The following PDLIM5 variants were observed in gnomAD, a reference collection of about 807,000 sequenced individuals.
PDLIM5 encodes PDZ and LIM domain 5.
A neutral mutation model predicts 64.2 loss-of-function variants in PDLIM5; 34 were observed. The observed-to-expected ratio is 0.53, with a 90% CI of 0.40 to 0.71. The LOEUF is 0.71. Among genes scored for constraint, PDLIM5 ranks in the 30% least tolerant of loss-of-function variants. The pLI is 0.00. For synonymous variants in PDLIM5, 253 were observed against 269.1 expected, an observed-to-expected ratio of 0.94 and a Z score of 0.59; for missense variants, 683 against 733.6, an observed-to-expected ratio of 0.93 and a Z score of 0.80.
chr4:94,643,986 TA>T (rs1479572059), intron 9 of PDLIM5, among the ~76,000 whole-genome samples: 2 of 152,134 alleles, frequency 1.3e-5, no homozygotes, highest in African/African-American at 4.8e-5. Context: ...TTAGCCCTTG[TA>T]TTTAAGGAAA....
At chr4:94,625,596 G>A (rs527467109) in intron 8 of PDLIM5, among the ~76,000 whole-genome samples, 1 of 152,090 alleles carries the variant, frequency 6.6e-6, no homozygotes, top group Non-Finnish European at 1.5e-5. Flanking sequence ...GGGACTACAG[G>A]CGCCCGCCAC....
At chr4:94,497,714 A>C (rs1299911128) in intron 2 of PDLIM5, among the ~76,000 whole-genome samples, 5 of 152,210 alleles carry the variant, frequency 3.3e-5, no homozygotes. Context: ...TAAAAAACTG[A>C]AATGTTTTGT....
chr4:94,527,877 A>T (rs1410643031), intron 3 of PDLIM5, among the ~76,000 whole-genome samples: 1 of 152,208 alleles, frequency 6.6e-6, no homozygotes, highest in African/African-American at 2.4e-5. Context: ...ATTGCTTCCA[A>T]AGAAAGTTAC....
intron 7 of PDLIM5, among the ~76,000 whole-genome samples, chr4:94,617,192 G>C (rs1304329583): frequency 6.6e-6 from 1 of 152,050 alleles, no homozygotes; most frequent in Non-Finnish European, 1.5e-5. Context: ...GGGCTACCTA[G>C]AATTATTATT....
At chr4:94,603,163 T>C (rs945194833) in intron 7 of PDLIM5, among the ~76,000 whole-genome samples, 1 of 152,144 alleles carries the variant, frequency 6.6e-6, no homozygotes, top group African/African-American at 2.4e-5. Flanking sequence ...GGGGATTTTG[T>C]AGAGAATGTT....
At chr4:94,476,556 C>T (rs1230442910) in intron 2 of PDLIM5, among the ~76,000 whole-genome samples, 2 of 152,152 alleles carry the variant, frequency 1.3e-5, no homozygotes, top group Non-Finnish European at 2.9e-5. Flanking sequence ...AAAACAGACA[C>T]GTTTCTGACA....
intron 5 of PDLIM5, among the ~76,000 whole-genome samples, chr4:94,581,765 T>G (rs28690414): frequency 2.0e-5 from 3 of 152,194 alleles, no homozygotes; most frequent in Non-Finnish European, 4.4e-5. Context: ...CTATACAGTT[T>G]ATACTTTAGT....
At position 94,573,602 on chromosome 4, in the gene PDLIM5, C is replaced by G. The variant is rs1734993841; in HGVS notation, c.291+209C>G. 4 of 572,054 alleles carry G rather than the reference C, an allele frequency of 7.0e-6. No individual in the cohort carries two copies. The South Asian group carries it at 9.0e-5, about 13-fold the overall frequency. The allele number at this position is 572,054 out of a possible 1,614,324, so 35.4% of individuals were successfully genotyped here. On this transcript the variant is annotated intron_variant, in intron 4 of 12. Transcript: ENST00000317968. The stretch of plus-strand genomic sequence containing the variant: ...TTATACATGTTATAAAACATTATTT[C>G]CAAAGCCATATGTTACAATAACTTA...
At chr4:94,499,989 T>A (rs1727768911) in intron 2 of PDLIM5, among the ~76,000 whole-genome samples, 1 of 152,128 alleles carries the variant, frequency 6.6e-6, no homozygotes, top group African/African-American at 2.4e-5. Context: ...ATGAAACCAG[T>A]CCCTGGTGTC....
At position 94,523,937 on chromosome 4, in the gene PDLIM5, G is replaced by A. The variant is rs1230512671; in HGVS notation, c.248+62G>A. 3.9e-5 allele frequency: 49 copies of A among 1,270,864 alleles called. 1 individual carries two copies. In the African/African-American group the frequency reaches 5.5e-4, roughly 14 times the overall value. The allele number at this position is 1,270,864 out of a possible 1,614,324, so 78.7% of individuals were successfully genotyped here. ...AACATTGAGGAATGTGTTTTTGTGT[G>A]TCTGACTCACGGTGTTAACTAAGAC... On this transcript the variant is annotated intron_variant, in intron 3 of 12. Coordinates refer to ENST00000317968, the MANE Select transcript of PDLIM5 (RefSeq NM_006457.5).
chr4:94,636,432 T>C (rs1175466158), intron 8 of PDLIM5, among the ~76,000 whole-genome samples: 1 of 145,124 alleles, frequency 6.9e-6, no homozygotes, highest in East Asian at 2.0e-4. Flanking sequence ...AAAAAAAAAA[T>C]TGGGAATCTT....
At chr4:94,603,767 G>A (rs1737687745) in intron 7 of PDLIM5, among the ~76,000 whole-genome samples, 1 of 152,274 alleles carries the variant, frequency 6.6e-6, no homozygotes, top group South Asian at 2.1e-4. Flanking sequence ...TGCGTTCTCA[G>A]GGACCCCTGC....
intron 7 of PDLIM5, among the ~76,000 whole-genome samples, chr4:94,617,610 C>T (rs1191428406): frequency 5.2e-5 from 7 of 133,664 alleles, no homozygotes; most frequent in African/African-American, 1.7e-4. Context: ...AGTTCAAGAC[C>T]AGCCTGAGGA....
intron 2 of PDLIM5, chr4:94,455,843 C>A: frequency 7.1e-7 from 1 of 1,417,718 alleles, no homozygotes; most frequent in Non-Finnish European, 9.6e-7. Flanking sequence ...GAGGTGATAG[C>A]CAACAGTAAG....
intron 3 of PDLIM5, among the ~76,000 whole-genome samples, chr4:94,572,095 A>G (rs2452597): frequency 0.3 from 46,045 of 151,924 alleles, 7,081 homozygotes; most frequent in East Asian, 0.39. Context: ...GAGACCGAAT[A>G]TCCTGTGCTA....
chr4:94,511,597 CAA>C (rs1728880407), intron 2 of PDLIM5, among the ~76,000 whole-genome samples: 2 of 61,858 alleles, frequency 3.2e-5, no homozygotes, highest in Non-Finnish European at 6.8e-5. Context: ...ACATCCCCCC[CAA>C]CACACACACA....
intron 3 of PDLIM5, among the ~76,000 whole-genome samples, chr4:94,570,056 G>A (rs1734679083): frequency 6.6e-6 from 1 of 151,994 alleles, no homozygotes; most frequent in East Asian, 1.9e-4. Flanking sequence ...TGCAACAAAA[G>A]CACTCACCCT....
intron 8 of PDLIM5, among the ~76,000 whole-genome samples, chr4:94,620,839 C>T (rs891904373): frequency 2.6e-5 from 4 of 151,718 alleles, no homozygotes; most frequent in Non-Finnish European, 4.4e-5. Flanking sequence ...GGGCGGATCA[C>T]GAGGTCAGGA....
At chr4:94,499,391 C>A (rs1727698005) in intron 2 of PDLIM5, among the ~76,000 whole-genome samples, 1 of 151,996 alleles carries the variant, frequency 6.6e-6, no homozygotes, top group South Asian at 2.1e-4. Flanking sequence ...AAAGCTACAA[C>A]AAACACATAG....
Sources: allele counts gnomAD v4.1 joint callset (sites outside exome capture counted in the v4.1 genomes callset), GRCh38; gene constraint gnomAD v4.1.1; transcripts MANE v1.5; gene names NCBI Gene and HGNC (gene_info 2026-07-23, HGNC 2026-07-21).